The following CSMD1 variants were observed in gnomAD, a reference collection of about 807,000 sequenced individuals.
The protein encoded by CSMD1 is CUB and Sushi multiple domains 1.
Under a neutral mutation model 417.5 loss-of-function variants are expected in CSMD1, and 213 were observed. The ratio of observed to expected loss-of-function variants is 0.51; its 90% CI spans 0.46 to 0.57. CSMD1 has a LOEUF of 0.57. Among genes scored for constraint, CSMD1 ranks in the 20% least tolerant of loss-of-function variants. The pLI, the probability that CSMD1 is intolerant of heterozygous loss-of-function variation, is 0.00. For missense variants in CSMD1, 6,923 were observed against 4,529.7 expected (o/e 1.53, Z -15.17); for synonymous variants, 2,862 against 1,736.8 (o/e 1.65, Z -16.11).
chr8:4,080,076 GTC>G (rs1248519263), intron 3 of CSMD1, among the ~76,000 whole-genome samples: 10 of 151,564 alleles, frequency 6.6e-5, no homozygotes, highest in South Asian at 6.3e-4. Context: ...TCTGACAACA[GTC>G]TCTGTCTCCA....
chr8:2,963,186 T>C (rs1803649653), intron 60 of CSMD1, 36 bp downstream of exon 60: 7 of 1,608,336 alleles, frequency 4.4e-6, no homozygotes, highest in Non-Finnish European at 6.0e-6. Flanking sequence ...GTTGCAGACC[T>C]GCAGTGGGCG....
intron 10 of CSMD1, among the ~76,000 whole-genome samples, chr8:3,517,981 A>G (rs968694027): frequency 6.6e-6 from 1 of 152,222 alleles, no homozygotes; most frequent in Non-Finnish European, 1.5e-5. Context: ...TCAATAAATA[A>G]TCATATAAAT....
chr8:3,583,464 G>C (rs1433706162), intron 9 of CSMD1, among the ~76,000 whole-genome samples: 1 of 152,010 alleles, frequency 6.6e-6, no homozygotes, highest in Non-Finnish European at 1.5e-5. Flanking sequence ...AACCGAAAGA[G>C]GTGGCAGAAG....
At chr8:3,223,294 T>C (rs2116869299) in intron 28 of CSMD1, among the ~76,000 whole-genome samples, 1 of 152,284 alleles carries the variant, frequency 6.6e-6, no homozygotes, top group East Asian at 1.9e-4. Context: ...TTTTCCAGGC[T>C]CTATTAAGTC....
chr8:4,596,062 G>T (rs1800258813), intron 2 of CSMD1, among the ~76,000 whole-genome samples: 1 of 152,078 alleles, frequency 6.6e-6, no homozygotes. Flanking sequence ...GCCCAACCTT[G>T]CTCCTTTCTC....
intron 10 of CSMD1, among the ~76,000 whole-genome samples, chr8:3,521,009 T>C (rs925629399): frequency 2.0e-5 from 3 of 152,128 alleles, no homozygotes; most frequent in Admixed American, 6.5e-5. Context: ...CTCTGGAGCA[T>C]CCATTCCTCA....
chr8:3,226,259 G>A (rs1798497382), intron 27 of CSMD1, among the ~76,000 whole-genome samples: 1 of 152,086 alleles, frequency 6.6e-6, no homozygotes, highest in African/African-American at 2.4e-5. Context: ...ATAAGATAAT[G>A]AAGACTTTTT....
At chr8:3,974,248 C>A (rs1011873807) in intron 5 of CSMD1, among the ~76,000 whole-genome samples, 1 of 136,954 alleles carries the variant, frequency 7.3e-6, no homozygotes, top group Non-Finnish European at 1.5e-5. Context: ...ATATAATTAT[C>A]TTAAATAATT....
At chr8:3,897,050 A>T (rs1247030548) in intron 5 of CSMD1, among the ~76,000 whole-genome samples, 4 of 152,016 alleles carry the variant, frequency 2.6e-5, no homozygotes, top group African/African-American at 9.7e-5. Flanking sequence ...GTCTTTTATT[A>T]AGGGAAATTA....
At chr8:3,181,069 G>C in intron 37 of CSMD1, 41 bp downstream of exon 37, 1 of 1,254,936 alleles carries the variant, frequency 8.0e-7, no homozygotes, top group Non-Finnish European at 1.2e-6. Context: ...AAATGACTCA[G>C]TATAACAGTG....
At chr8:4,734,999 G>C (rs1482844578) in intron 1 of CSMD1, among the ~76,000 whole-genome samples, 3 of 152,224 alleles carry the variant, frequency 2.0e-5, no homozygotes, top group African/African-American at 7.2e-5. Context: ...ATGTTGCTGA[G>C]AAGTGCTCGG....
At chr8:3,621,915 T>C (rs1796261621) in intron 7 of CSMD1, among the ~76,000 whole-genome samples, 1 of 152,022 alleles carries the variant, frequency 6.6e-6, no homozygotes, top group Non-Finnish European at 1.5e-5. Context: ...CAGAAGTGTA[T>C]GCTTATAATG....
At chr8:4,427,146 G>C (rs1436176617) in intron 2 of CSMD1, among the ~76,000 whole-genome samples, 1 of 151,576 alleles carries the variant, frequency 6.6e-6, no homozygotes, top group African/African-American at 2.4e-5. Context: ...GGTAGGGGTG[G>C]TGAGGACAGA....
At chr8:4,026,219 G>C (rs867663696) in intron 4 of CSMD1, among the ~76,000 whole-genome samples, 60 of 152,222 alleles carry the variant, frequency 3.9e-4, no homozygotes, top group African/African-American at 1.4e-3. Flanking sequence ...AAATCCATGA[G>C]AAACTGTGCT....
chr8:3,960,789 G>A (rs2627484), intron 5 of CSMD1, among the ~76,000 whole-genome samples: 28,272 of 151,518 alleles, frequency 0.19, 2,937 homozygotes, highest in Admixed American at 0.3. Flanking sequence ...TGTAGAAACT[G>A]GAAAATTACA....
At chr8:4,062,069 C>A (rs542089242) in intron 3 of CSMD1, among the ~76,000 whole-genome samples, 1 of 151,978 alleles carries the variant, frequency 6.6e-6, no homozygotes, top group African/African-American at 2.4e-5. Context: ...CGTGGTGGAG[C>A]CAGGTGCCAG....
rs1818892936 is a variant in CSMD1, at chr8:3,147,127, A to C, written c.6031+4270T>G. Among the ~76,000 whole-genome samples, 4 of 152,196 alleles carry C rather than the reference A, an allele frequency of 2.6e-5. No individual in the cohort carries two copies. The East Asian group carries it at 7.7e-4, about 29-fold the overall frequency. On this transcript the variant is annotated intron_variant, in intron 40 of 69. Transcript: ENST00000635120. Reference sequence around the variant, plus strand: ...AATCCAAATCCCAAAACTGTCAATCAAGGAAACAGATATGTATGTTCAGAT... The same window carrying C: ...AATCCAAATCCCAAAACTGTCAATCCAGGAAACAGATATGTATGTTCAGAT...
chr8:3,598,892 C>T (rs1368781728), intron 8 of CSMD1, among the ~76,000 whole-genome samples: 2 of 151,998 alleles, frequency 1.3e-5, no homozygotes, highest in Non-Finnish European at 2.9e-5. Flanking sequence ...ACCAGTCTGA[C>T]CAACATAATG....
intron 5 of CSMD1, among the ~76,000 whole-genome samples, chr8:3,796,655 TCCAC>T (rs1800170880): frequency 6.7e-6 from 1 of 149,686 alleles, no homozygotes; most frequent in Non-Finnish European, 1.5e-5. Flanking sequence ...TAGATATATA[TCCAC>T]CTATATATCT....
Sources: gnomAD v4.1 joint callset for allele counts (sites outside exome capture counted in the v4.1 genomes callset) on GRCh38, gnomAD v4.1.1 for gene constraint, MANE v1.5 for transcripts, NCBI Gene and HGNC (gene_info 2026-07-23, HGNC 2026-07-21) for gene names.